Variants in CHD1 observed in about 807,000 individuals in gnomAD.
The protein encoded by CHD1 is ATP-dependent chromatin remodeler CHD1.
A neutral mutation model predicts 224.2 loss-of-function variants in CHD1; 36 were observed. That is an observed-to-expected ratio of 0.16 (90% CI 0.12 to 0.21). The LOEUF is 0.21. CHD1 is among the 10% of genes least tolerant of loss of function. The pLI is 1.00. For synonymous variants in CHD1, 668 were observed against 658.3 expected, an observed-to-expected ratio of 1.01 and a Z score of -0.23; for missense variants, 1,378 against 1,994.8, an observed-to-expected ratio of 0.69 and a Z score of 5.89.
At chr5:98,858,643 G>A in intron 34 of CHD1, 1 of 449,942 alleles carries the variant, frequency 2.2e-6, no homozygotes, top group Non-Finnish European at 3.9e-6. Context: ...ATACTTTTGT[G>A]ACTCTGATAC....
At chr5:98,910,923 C>A (rs1752348174) in intron 2 of CHD1, among the ~76,000 whole-genome samples, 1 of 151,050 alleles carries the variant, frequency 6.6e-6, no homozygotes, top group African/African-American at 2.4e-5. Context: ...TTATTTATGA[C>A]AGTGTGTATT....
In CHD1 at chr5:98,856,617, A is replaced by ACGATGATCAGAATGAGAT. The variant is rs1748053348; in HGVS notation, c.4878_4895dup (p.Ser1633_Arg1638dup). 6.2e-7 allele frequency: 1 copy of ACGATGATCAGAATGAGAT among 1,613,664 alleles called. No homozygotes were observed. The highest frequency in any genetic ancestry group is 8.5e-7 in the Non-Finnish European group (1 of 1,179,738). ...AATGTAACCGATGATCTGAGTGAGA[A>ACGATGATCAGAATGAGAT]CGATGATCAGAATGAGATCTATCTT... On this transcript the variant is annotated inframe_insertion, in exon 36 of 36. Transcript: ENST00000614616.
At chr5:98,876,615 G>C in intron 23 of CHD1, 57 bp from the exon 24 acceptor site, 1 of 1,402,346 alleles carries the variant, frequency 7.1e-7, no homozygotes, top group East Asian at 2.3e-5. Flanking sequence ...TATCTTAAGA[G>C]CAAAAACCAT....
Position 98,914,112 on chromosome 5 carries a change from C to G in CHD1, c.54-9014G>C, listed in dbSNP as rs550988786. Among the ~76,000 whole-genome samples the G allele has an allele frequency of 2.0e-5, 3 of 152,238 alleles. No homozygotes were observed. The East Asian group carries it at 5.8e-4, about 29-fold the overall frequency. On this transcript the variant is annotated intron_variant, in intron 2 of 35. Coordinates refer to ENST00000614616, the MANE Select transcript of CHD1 (RefSeq NM_001270.4). ...CTCAGTGTAGTCATGTGAGTAGGTT[C>G]TGGCCAATGAGATACAACTAGAAGT... is the stretch of plus-strand genomic sequence containing the variant.
chr5:98,897,036 T>G (rs1328548072), intron 11 of CHD1, among the ~76,000 whole-genome samples, 157 bp downstream of exon 11: 1 of 152,178 alleles, frequency 6.6e-6, no homozygotes, highest in Admixed American at 6.5e-5. Flanking sequence ...CTTCCTAGTA[T>G]GTAGTAAGTA....
chr5:98,877,209 G>GA (rs1190497508), intron 23 of CHD1, among the ~76,000 whole-genome samples: 1 of 152,112 alleles, frequency 6.6e-6, no homozygotes, highest in Non-Finnish European at 1.5e-5. Context: ...ATTCATCAAA[G>GA]AGAGACCAGA....
chr5:98,868,435 C>A, intron 31 of CHD1, 60 bp downstream of exon 31: 3 of 1,399,004 alleles, frequency 2.1e-6, no homozygotes, highest in Non-Finnish European at 2.9e-6. Context: ...CTATAAATGA[C>A]AAACTTCAAC....
At chr5:98,902,198 T>C in intron 5 of CHD1, among the ~76,000 whole-genome samples, 1 of 151,860 alleles carries the variant, frequency 6.6e-6, no homozygotes, top group East Asian at 1.9e-4. Context: ...GAGAGATTTG[T>C]AGAAAGAGAA....
chr5:98,926,143 T>C (rs1753440887), intron 2 of CHD1, among the ~76,000 whole-genome samples, 191 bp downstream of exon 2: 1 of 152,052 alleles, frequency 6.6e-6, no homozygotes, highest in Non-Finnish European at 1.5e-5. Flanking sequence ...GAATGAAAAA[T>C]ATAATTAAAA....
At chr5:98,901,137 G>A (rs967069666) in intron 6 of CHD1, 49 bp downstream of exon 6, 2 of 1,580,852 alleles carry the variant, frequency 1.3e-6, no homozygotes, top group Non-Finnish European at 1.7e-6. Flanking sequence ...TATACAAAAA[G>A]AACAAATACT....
rs375133804 is a variant in CHD1, at chr5:98,883,304, T to G, written c.2569-67A>C. ...GATTTTCTGAACGTAAGCAGTATGG[T>G]ACTAATTAAACAGAAAGGCAGTTTT... is the stretch of plus-strand genomic sequence containing the variant. On this transcript the variant is annotated intron_variant, in intron 18 of 35. Coordinates refer to ENST00000614616, the MANE Select transcript of CHD1 (RefSeq NM_001270.4). 1,696 of 1,070,540 alleles carry G rather than the reference T, an allele frequency of 1.6e-3. 7 individuals are homozygous for G. The highest frequency in any genetic ancestry group is 1.7e-3 in the Non-Finnish European group (1,303 of 752,894). The allele number at this position is 1,070,540 out of a possible 1,614,324, so 66.3% of individuals were successfully genotyped here. A position where few individuals can be genotyped will look rare whatever the true frequency, so the allele number is the denominator to read the frequency against.
intron 8 of CHD1, among the ~76,000 whole-genome samples, chr5:98,898,988 GGATAGGTTTA>G (rs1751517295): frequency 6.6e-6 from 1 of 152,128 alleles, no homozygotes. Flanking sequence ...CTGTTACCAA[GGATAGGTTTA>G]GATAGGTATA....
rs757744161 is a variant in CHD1, at chr5:98,876,568, G to C, written c.3238-10C>G. ...TTCCATTGAAACTAATCTGGAATTG[G>C]AAAATATTTACCCAACCTTAGTGTA... On this transcript the variant is annotated splice_polypyrimidine_tract_variant and intron_variant, in intron 23 of 35. Coordinates refer to ENST00000614616, the MANE Select transcript of CHD1 (RefSeq NM_001270.4). The C allele has an allele frequency of 6.2e-7, 1 of 1,610,494 alleles. No homozygotes were observed. The highest frequency in any genetic ancestry group is 1.3e-5 in the African/African-American group (1 of 74,914).
intron 15 of CHD1, among the ~76,000 whole-genome samples, chr5:98,890,411 G>A (rs1750935570): frequency 6.6e-6 from 1 of 151,926 alleles, no homozygotes; most frequent in Non-Finnish European, 1.5e-5. Context: ...CAAGAATAAA[G>A]AATATTTTTC....
Position 98,872,124 on chromosome 5 carries a change from A to G in CHD1, c.3788T>C (p.Ile1263Thr), listed in dbSNP as rs1580381282. The G allele has an allele frequency of 1.2e-6, 2 of 1,613,664 alleles. No individual in the cohort carries two copies. The highest frequency in any genetic ancestry group is 1.7e-6 in the Non-Finnish European group (2 of 1,179,656). Residue 1263 changes from isoleucine (I) to threonine (T), a missense_variant, in exon 28 of 36, where the codon ATT becomes ACT. Physicochemically the swap from Ile to Thr is moderately conservative, Grantham distance 89. Around this residue, in one of 16 missense-constraint regions of CHD1, gnomAD observed 286 missense variants for 445.1 expected, o/e 0.64. Transcript: ENST00000614616. ...WGKEDDSNLL[I>T]GIYEYGYGSW... Reference sequence around the variant, plus strand: ...TCCATATCCATATTCATAGATGCCAATTAACAAATTGGAATCATCTTCTTT... The same window carrying G: ...TCCATATCCATATTCATAGATGCCAGTTAACAAATTGGAATCATCTTCTTT...
chr5:98,901,390 C>A, intron 5 of CHD1, 55 bp from the exon 6 acceptor site: 1 of 1,412,200 alleles, frequency 7.1e-7, no homozygotes, highest in South Asian at 1.3e-5. Context: ...CAAGTTTTAT[C>A]CCTAATACAA....
intron 11 of CHD1, 69 bp downstream of exon 11, chr5:98,897,124 C>T: frequency 6.9e-7 from 1 of 1,452,522 alleles, no homozygotes; most frequent in East Asian, 2.3e-5. Flanking sequence ...AAATGGAAAT[C>T]TTTTCTGAAT....
chr5:98,911,144 AAAATATATATATATAT>A lies in CHD1; in HGVS notation c.54-6062_54-6047del, dbSNP rs1363736354. On this transcript the variant is annotated intron_variant, in intron 2 of 35. Coordinates refer to ENST00000614616, the MANE Select transcript of CHD1 (RefSeq NM_001270.4). ...TGTGCTAAAATGAAAAAAAAAAAAAAAAATATATATATATATATATATATATATATATAGAGGCATG... is the reference window on the plus strand; with the variant it reads ...TGTGCTAAAATGAAAAAAAAAAAAAAATATATATATATATATAGAGGCATG... Among the ~76,000 whole-genome samples the A allele has an allele frequency of 6.8e-5, 5 of 73,760 alleles. 1 individual carries two copies. Among genetic ancestry groups the A allele is most frequent in the African/African-American group, 3.4e-4 (5 of 14,898 alleles). The allele number at this position is 73,760 out of a possible 152,430, so 48.4% of individuals were successfully genotyped here. A position where few individuals can be genotyped will look rare whatever the true frequency, so the allele number is the denominator to read the frequency against.
chr5:98,896,470 C>CG, intron 11 of CHD1, 28 bp from the exon 12 acceptor site: 1 of 1,500,240 alleles, frequency 6.7e-7, no homozygotes, highest in Non-Finnish European at 9.2e-7. Context: ...AATTAGCATG[C>CG]AAGGAAATAT....
Sources: gnomAD v4.1 joint callset for allele counts (sites outside exome capture counted in the v4.1 genomes callset) on GRCh38, gnomAD v4.1.1 for gene constraint, gnomAD v4.1.1 regional missense constraint, MANE v1.5 for transcripts, NCBI Gene and HGNC (gene_info 2026-07-23, HGNC 2026-07-21) for gene names.